The following PDK2 variants were observed in gnomAD, a reference collection of about 807,000 sequenced individuals.
PDK2 encodes pyruvate dehydrogenase kinase, isozyme 2.
Under a neutral mutation model 50.4 loss-of-function variants are expected in PDK2, and 34 were observed. The ratio of observed to expected loss-of-function variants is 0.68; its 90% CI spans 0.51 to 0.90. PDK2 has a LOEUF of 0.90. Ranked by LOEUF, PDK2 falls within the 40% of genes least tolerant of loss-of-function variation. The probability of loss-of-function intolerance (pLI) is 0.00; values close to 1 mark genes in which losing one functional copy is unlikely to be tolerated. For missense variants in PDK2, 377 were observed against 544.5 expected (o/e 0.69, Z 3.06); for synonymous variants, 232 against 216.0 (o/e 1.07, Z -0.65).
In PDK2 at chr17:50,095,772, C is replaced by T. The variant is rs993050491; in HGVS notation, c.118+219C>T. On this transcript the variant is annotated intron_variant, in intron 1 of 10. Transcript: ENST00000503176. ...ATGGGGGGCATTTACAAGGACGGTC[C>T]CGAGGTTTCTTCGTGGGCCTCATGA... is the stretch of plus-strand genomic sequence containing the variant. 2.9e-6 allele frequency: 4 copies of T among 1,385,978 alleles called. No homozygotes were observed. In the Admixed American group the frequency reaches 9.3e-5, roughly 32 times the overall value. The allele number at this position is 1,385,978 out of a possible 1,614,324, so 85.9% of individuals were successfully genotyped here.
At chr17:50,107,271 T>C (rs927543123) in intron 6 of PDK2, 118 bp downstream of exon 6, 4 of 728,868 alleles carry the variant, frequency 5.5e-6, no homozygotes, top group Admixed American at 2.2e-5. Flanking sequence ...AGAGTTATTA[T>C]ATTATTAATT....
chr17:50,106,199 A>G (rs375507385), intron 4 of PDK2, 130 bp downstream of exon 4: 9 of 1,494,706 alleles, frequency 6.0e-6, no homozygotes, highest in African/African-American at 4.2e-5. Flanking sequence ...TAGTTACTCC[A>G]GTAACTATGG....
chr17:50,109,065 A>T lies in PDK2; in HGVS notation c.970-222A>T, dbSNP rs1220108415. 1.3e-5 allele frequency among the ~76,000 whole-genome samples: 2 copies of T among 151,622 alleles called. No homozygotes were observed. Among genetic ancestry groups the T allele is most frequent in the Non-Finnish European group, 2.9e-5 (2 of 67,864 alleles). ...TCTGACTTCCTGGCCCCTGAGCGGAACTCCTCTCTCTGCCCAAGCCTCCCT... is the reference window on the plus strand; with the variant it reads ...TCTGACTTCCTGGCCCCTGAGCGGATCTCCTCTCTCTGCCCAAGCCTCCCT... On this transcript the variant is annotated intron_variant, in intron 9 of 10. Transcript: ENST00000503176. The surrounding 1 kb of genome is among the most constrained non-coding windows in gnomAD (Gnocchi z 5.0).
chr17:50,096,209 C>A (rs187051525), intron 1 of PDK2: 1 of 985,530 alleles, frequency 1.0e-6, no homozygotes. Flanking sequence ...AGCCTCTCCC[C>A]AGCTGGGCAG....
At position 50,101,431 on chromosome 17, in the gene PDK2, G is replaced by A. The variant is rs531280186; in HGVS notation, c.260+3867G>A. ...GCCTCTTTAGGGCACAATCAGCAGC[G>A]GAACCCAAACCTGCCTGGCTCAGAG... On this transcript the variant is annotated intron_variant, in intron 2 of 10. Coordinates refer to ENST00000503176, the MANE Select transcript of PDK2 (RefSeq NM_002611.5). This position sits in a 1 kb window ranked among gnomAD's most constrained non-coding sequence, Gnocchi z 4.2. Among the ~76,000 whole-genome samples, 7 of 152,248 alleles carry A rather than the reference G, an allele frequency of 4.6e-5. No individual in the cohort carries two copies. Among genetic ancestry groups the A allele is most frequent in the Non-Finnish European group, 1.0e-4 (7 of 67,992 alleles).
chr17:50,102,996 G>A (rs539660203), intron 2 of PDK2, among the ~76,000 whole-genome samples: 7 of 152,222 alleles, frequency 4.6e-5, no homozygotes, highest in Non-Finnish European at 1.0e-4. Context: ...TGCTGGTCTC[G>A]TTGTCTGCAA....
chr17:50,094,948 A>C (rs1177631211), upstream of PDK2: 2 of 155,052 alleles, frequency 1.3e-5, no homozygotes, highest in African/African-American at 4.8e-5. Context: ...GAGAAAAGGG[A>C]TTGGTTGAAA....
intron 2 of PDK2, 107 bp downstream of exon 2, chr17:50,097,671 CA>C: frequency 7.4e-7 from 1 of 1,358,980 alleles, no homozygotes; most frequent in South Asian, 1.3e-5. Context: ...GGGGTGGGGA[CA>C]GACAGGAGAC....
At chr17:50,095,614 CG>C (rs907154236) in intron 1 of PDK2, 61 bp downstream of exon 1, 3 of 1,513,898 alleles carry the variant, frequency 2.0e-6, no homozygotes, top group African/African-American at 1.4e-5. Flanking sequence ...GAGGGGCAGC[CG>C]GGGGCTAGGG....
intron 1 of PDK2, 144 bp downstream of exon 1, chr17:50,095,697 AT>A: frequency 7.0e-7 from 1 of 1,429,034 alleles, no homozygotes; most frequent in Non-Finnish European, 9.2e-7. Flanking sequence ...GAAAGAGTTA[AT>A]GGGGAAGCAG....
At chr17:50,097,590 A>C (rs1315096067) in intron 2 of PDK2, 26 bp downstream of exon 2, 1 of 1,608,218 alleles carries the variant, frequency 6.2e-7, no homozygotes, top group Non-Finnish European at 8.5e-7. Context: ...CAGTCCCTGC[A>C]CCTCCCACTC....
intron 2 of PDK2, chr17:50,102,036 A>T (rs1441867834): frequency 1.3e-5 from 2 of 152,198 alleles, no homozygotes; most frequent in Non-Finnish European, 2.9e-5. Context: ...CCTCCCTTAT[A>T]TAAGCCCAGT....
intron 1 of PDK2, chr17:50,096,383 G>A (rs1481402164): frequency 2.6e-6 from 2 of 765,718 alleles, no homozygotes; most frequent in Non-Finnish European, 3.2e-6. Flanking sequence ...TGTGGGCCCT[G>A]TCTGTCTATG....
Position 50,108,697 on chromosome 17 carries a change from C to A in PDK2, c.947C>A (p.Pro316His). 6.2e-7 allele frequency: 1 copy of A among 1,612,482 alleles called. No homozygotes were observed. The highest frequency in any genetic ancestry group is 8.5e-7 in the Non-Finnish European group (1 of 1,179,102). Residue 316 changes from proline to histidine, a missense_variant, in exon 9 of 11, where the codon CCT (proline) becomes CAT (histidine). Pro to His is a moderately conservative substitution (Grantham distance 77, BLOSUM62 -2). Around this residue, in one of 3 missense-constraint regions of PDK2, gnomAD observed 214 missense variants for 294.0 expected, o/e 0.73. Transcript: ENST00000503176. ...TACTCCACAGCACCCACCCCCCAGC[C>A]TGGCACCGGGGGAACGCCGCTGGTG... is the stretch of plus-strand genomic sequence containing the variant. ...YMYSTAPTPQ[P>H]GTGGTPLAGF...
rs1383186012 is a variant in PDK2 at position 50,095,539 on chromosome 17, A to G, written c.104A>G (p.Gln35Arg). ...TCCCCGTCCCCGCTGTCCATGAAGCAGTTTCTGGACTTCGGTACGGAGTGG... is the reference window on the plus strand; with the variant it reads ...TCCCCGTCCCCGCTGTCCATGAAGCGGTTTCTGGACTTCGGTACGGAGTGG... ...KFSPSPLSMKQFLDFGSSNAC... is the reference protein window; with the variant it reads ...KFSPSPLSMKRFLDFGSSNAC... The change falls in exon 1 of 11, where the codon CAG (glutamine) becomes CGG (arginine). Residue 35 changes from glutamine to arginine, a missense_variant. Around this residue, in one of 3 missense-constraint regions of PDK2, gnomAD observed 100 missense variants for 115.5 expected, o/e 0.87. Coordinates refer to ENST00000503176, the MANE Select transcript of PDK2 (RefSeq NM_002611.5). 1 of 1,605,146 alleles carries G rather than the reference A, an allele frequency of 6.2e-7. No homozygotes were observed.
At chr17:50,107,479 G>A (rs919209985) in intron 6 of PDK2, among the ~76,000 whole-genome samples, 7 of 152,296 alleles carry the variant, frequency 4.6e-5, no homozygotes, top group Non-Finnish European at 8.8e-5. Flanking sequence ...TACTTGGAAG[G>A]CTGAGACAGG....
In PDK2 at chr17:50,095,452, C is replaced by A; in HGVS notation, c.17C>A (p.Ala6Glu). The change falls in exon 1 of 11, where the codon GCG becomes GAG. Residue 6 changes from alanine (A) to glutamate (E), a missense_variant. By Grantham distance (107) the Ala-to-Glu change is moderately radical. Around this residue, in one of 3 missense-constraint regions of PDK2, gnomAD observed 100 missense variants for 115.5 expected, o/e 0.87. Transcript: ENST00000503176. MRWVW[A>E]LLKNASLAGA... Reference sequence around the variant, plus strand: ...GCCGCAGCCATGCGCTGGGTGTGGGCGCTGCTGAAGAATGCGTCCCTGGCA... The same window carrying A: ...GCCGCAGCCATGCGCTGGGTGTGGGAGCTGCTGAAGAATGCGTCCCTGGCA... 6.2e-7 allele frequency: 1 copy of A among 1,602,674 alleles called. No individual in the cohort carries two copies. Among genetic ancestry groups the A allele is most frequent in the Non-Finnish European group, 8.5e-7 (1 of 1,175,088 alleles).
chr17:50,095,545 T>C lies in PDK2; in HGVS notation c.110T>C (p.Leu37Pro). The change falls in exon 1 of 11, where the codon CTG becomes CCG. Residue 37 changes from leucine to proline, a missense_variant. Coordinates refer to ENST00000503176, the MANE Select transcript of PDK2 (RefSeq NM_002611.5). ...TCCCCGCTGTCCATGAAGCAGTTTC[T>C]GGACTTCGGTACGGAGTGGGCGGGA... ...SPSPLSMKQFLDFGSSNACEK... is the reference protein window; with the variant it reads ...SPSPLSMKQFPDFGSSNACEK... The C allele has an allele frequency of 6.2e-7, 1 of 1,603,380 alleles. No individual in the cohort carries two copies. The highest frequency in any genetic ancestry group is 8.5e-7 in the Non-Finnish European group (1 of 1,174,816).
Position 50,110,072 on chromosome 17 carries a change from A to T in PDK2, c.1199A>T (p.Asn400Ile). 6.2e-7 allele frequency: 1 copy of T among 1,610,822 alleles called. No individual in the cohort carries two copies. Among genetic ancestry groups the T allele is most frequent in the Non-Finnish European group, 8.5e-7 (1 of 1,178,530 alleles). ...TGTGTGCCCAGCACGGAGCCCAAGA[A>T]CACGTCCACGTACCGCGTCAGCTAA... ...DWCVPSTEPK[N>I]TSTYRVS The change falls in exon 11 of 11, where the codon AAC becomes ATC. Residue 400 changes from asparagine to isoleucine, a missense_variant. Physicochemically the swap from Asn to Ile is moderately radical, Grantham distance 149. This residue lies in a region of PDK2 where 214 missense variants were observed against 294.0 expected (regional missense o/e 0.73). Transcript: ENST00000503176.
Sources: allele counts gnomAD v4.1 joint callset (sites outside exome capture counted in the v4.1 genomes callset), GRCh38; gene constraint gnomAD v4.1.1; regional missense constraint gnomAD v4.1.1; non-coding constraint Gnocchi (gnomAD v3.1); transcripts MANE v1.5; gene names NCBI Gene and HGNC (gene_info 2026-07-23, HGNC 2026-07-21).